The following DGUOK variants were observed in gnomAD, a reference collection of about 807,000 sequenced individuals.
The protein encoded by DGUOK is deoxyguanosine kinase.
In DGUOK, 30 loss-of-function variants were observed where a neutral mutation model predicts 36.6. The ratio of observed to expected loss-of-function variants is 0.82; its 90% CI spans 0.61 to 1.11. The LOEUF is 1.11. Ranked by LOEUF, DGUOK falls within the 50% of genes most tolerant of loss-of-function variation. The probability of loss-of-function intolerance (pLI) is 0.00; values close to 1 mark genes in which losing one functional copy is unlikely to be tolerated. For synonymous variants in DGUOK, 145 were observed against 126.3 expected (o/e 1.15, Z -0.99); for missense variants, 361 against 336.4 (o/e 1.07, Z -0.57).
intron 1 of DGUOK, among the ~76,000 whole-genome samples, chr2:73,933,498 G>A (rs1468713827): frequency 6.6e-6 from 1 of 152,220 alleles, no homozygotes; most frequent in African/African-American, 2.4e-5. Context: ...GCAGTGGAAA[G>A]CTGAATCACC....
At chr2:73,931,177 A>C (rs1681005582) in intron 1 of DGUOK, among the ~76,000 whole-genome samples, 1 of 152,204 alleles carries the variant, frequency 6.6e-6, no homozygotes, top group Non-Finnish European at 1.5e-5. Flanking sequence ...GGAATTCCCA[A>C]GAGGAAGAAG....
At chr2:73,950,098 G>A (rs1402662865) in intron 3 of DGUOK, among the ~76,000 whole-genome samples, 1 of 152,188 alleles carries the variant, frequency 6.6e-6, no homozygotes, top group African/African-American at 2.4e-5. Context: ...TAAACAAAAG[G>A]ATGGCTCAGT....
intron 1 of DGUOK, among the ~76,000 whole-genome samples, chr2:73,934,799 G>T (rs1197370757): frequency 1.3e-5 from 2 of 148,750 alleles, no homozygotes; most frequent in African/African-American, 4.9e-5. Flanking sequence ...GTGGCCCGGC[G>T]CAGTGGCTCA....
intron 1 of DGUOK, among the ~76,000 whole-genome samples, chr2:73,927,899 C>CT (rs980357526): frequency 2.0e-5 from 3 of 152,144 alleles, no homozygotes; most frequent in Non-Finnish European, 4.4e-5. Flanking sequence ...CTGAGAATTT[C>CT]TTTTTTTATT....
chr2:73,956,941 G>A (rs1465484755), intron 4 of DGUOK, among the ~76,000 whole-genome samples, 184 bp from the exon 5 acceptor site: 1 of 152,230 alleles, frequency 6.6e-6, no homozygotes, highest in African/African-American at 2.4e-5. Flanking sequence ...GCAGGTTTAA[G>A]GTGGAGATGG....
chr2:73,953,719 C>CTT (rs386390474), intron 4 of DGUOK, among the ~76,000 whole-genome samples: 44,664 of 95,688 alleles, frequency 0.47, 12,314 homozygotes, highest in Non-Finnish European at 0.6. Flanking sequence ...TCCCTAACTT[C>CTT]TTTTTTTTTT....
Position 73,957,237 on chromosome 2 carries a change from C to A in DGUOK, c.704C>A (p.Thr235Lys). The A allele has an allele frequency of 6.2e-7, 1 of 1,612,460 alleles. No individual in the cohort carries two copies. The change falls in exon 5 of 7, where the codon ACG becomes AAG. Residue 235 changes from threonine (T) to lysine (K), a missense_variant. Thr to Lys is a moderately conservative substitution (Grantham distance 78). Coordinates refer to ENST00000264093, the MANE Select transcript of DGUOK (RefSeq NM_080916.3). ...GAAGCCTGGCTTATTCACAAGACAA[C>A]GAAGTAAGTGGGGAGAAAAGAATGT... is the stretch of plus-strand genomic sequence containing the variant. ...QHEAWLIHKTTKLHFEALMNI... is the reference protein window; with the variant it reads ...QHEAWLIHKTKKLHFEALMNI...
intron 6 of DGUOK, 46 bp from the exon 7 acceptor site, chr2:73,958,664 C>A (rs374251381): frequency 7.7e-6 from 12 of 1,560,464 alleles, no homozygotes; most frequent in African/African-American, 6.8e-5. Context: ...ATTGAAAATT[C>A]TGTTAAAAAT....
chr2:73,950,508 C>G, intron 3 of DGUOK, 77 bp from the exon 4 acceptor site: 6 of 1,484,138 alleles, frequency 4.0e-6, no homozygotes, highest in Non-Finnish European at 5.6e-6. Context: ...GATTTTTCTG[C>G]TTCTCTCTCT....
At chr2:73,929,236 G>A (rs1235593971) in intron 1 of DGUOK, among the ~76,000 whole-genome samples, 1 of 152,164 alleles carries the variant, frequency 6.6e-6, no homozygotes, top group African/African-American at 2.4e-5. Flanking sequence ...AGCCTCTTGA[G>A]TAGCTGGATC....
chr2:73,927,081 T>C, intron 1 of DGUOK, 29 bp downstream of exon 1: 1 of 1,604,222 alleles, frequency 6.2e-7, no homozygotes, highest in Non-Finnish European at 8.5e-7. Flanking sequence ...CTGCCAAGCC[T>C]TGGCCTCCGC....
intron 1 of DGUOK, among the ~76,000 whole-genome samples, chr2:73,928,082 A>G (rs559114778): frequency 2.6e-5 from 4 of 152,350 alleles, no homozygotes; most frequent in African/African-American, 9.6e-5. Flanking sequence ...TTAGAGAGTA[A>G]TAAGTATGAT....
In DGUOK at chr2:73,945,266, C is replaced by T. The variant is rs970465619; in HGVS notation, c.256-1453C>T. On this transcript the variant is annotated intron_variant, in intron 2 of 6. Transcript: ENST00000264093. The stretch of plus-strand genomic sequence containing the variant: ...TTCAGAAACTCCCTGAGATTCCTTC[C>T]ACCATCAGTAATCGTCCCTTCATCA... Among the ~76,000 whole-genome samples, 12 of 152,192 alleles carry T rather than the reference C, an allele frequency of 7.9e-5. No individual in the cohort carries two copies. The South Asian group carries it at 2.5e-3, about 32-fold the overall frequency.
At chr2:73,939,393 T>G (rs1295111928) in intron 2 of DGUOK, among the ~76,000 whole-genome samples, 1 of 152,232 alleles carries the variant, frequency 6.6e-6, no homozygotes, top group Non-Finnish European at 1.5e-5. Context: ...ACTTTTTAAA[T>G]AAAGTCTTAG....
At chr2:73,957,684 A>G (rs1002944542) in intron 5 of DGUOK, among the ~76,000 whole-genome samples, 2 of 152,332 alleles carry the variant, frequency 1.3e-5, no homozygotes, top group Admixed American at 6.5e-5. Flanking sequence ...GAAGTTTAAT[A>G]TTGAATATAA....
At chr2:73,947,560 G>A (rs1283561423) in intron 3 of DGUOK, 1 of 158,910 alleles carries the variant, frequency 6.3e-6, no homozygotes, top group Non-Finnish European at 1.4e-5. Context: ...GAGATGTGAA[G>A]TCACTTTGAA....
At chr2:73,938,778 C>G in intron 1 of DGUOK, 132 bp from the exon 2 acceptor site, 1 of 719,420 alleles carries the variant, frequency 1.4e-6, no homozygotes, top group Non-Finnish European at 2.6e-6. Flanking sequence ...AATGGTACGG[C>G]TGCTGAGTTT....
At chr2:73,941,870 T>G (rs548090692) in intron 2 of DGUOK, among the ~76,000 whole-genome samples, 2 of 152,030 alleles carry the variant, frequency 1.3e-5, no homozygotes, top group Admixed American at 1.3e-4. Context: ...CATTGTATGT[T>G]AAGTATATTA....
At chr2:73,949,021 G>A (rs916955727) in intron 3 of DGUOK, among the ~76,000 whole-genome samples, 1 of 152,126 alleles carries the variant, frequency 6.6e-6, no homozygotes, top group African/African-American at 2.4e-5. Flanking sequence ...GTGTAATCTT[G>A]GCTCACTGCA....
Sources: allele counts gnomAD v4.1 joint callset (sites outside exome capture counted in the v4.1 genomes callset), GRCh38; gene constraint gnomAD v4.1.1; transcripts MANE v1.5; gene names NCBI Gene and HGNC (gene_info 2026-07-23, HGNC 2026-07-21).